Variants in SLC35D4 observed in about 807,000 individuals in gnomAD.
The protein encoded by SLC35D4 is UDP-N-acetylglucosamine transporter SLC35D4.
the SLC35D4 span, among the ~76,000 whole-genome samples, chr18:23,374,690 A>G: frequency 6.6e-3 from 1,000 of 152,166 alleles, 9 homozygotes; most frequent in African/African-American, 0.023. Context: ...TCTCCATGTT[A>G]GTCAGGCCGG....
Sources: allele counts gnomAD v4.1 joint callset (sites outside exome capture counted in the v4.1 genomes callset), GRCh38; gene constraint gnomAD v4.1.1; transcripts MANE v1.5; gene names NCBI Gene and HGNC (gene_info 2026-07-23, HGNC 2026-07-21).